Variants in ST7 observed in about 807,000 individuals in gnomAD.
The protein encoded by ST7 is suppressor of tumorigenicity 7 protein.
Under a neutral mutation model 78.7 loss-of-function variants are expected in ST7, and 28 were observed. The observed-to-expected ratio is 0.36, with a 90% confidence interval of 0.26 to 0.49. The LOEUF is 0.49. Ranked by LOEUF, ST7 falls within the 20% of genes least tolerant of loss-of-function variation. The probability of loss-of-function intolerance (pLI) is 0.99; values close to 1 mark genes in which losing one functional copy is unlikely to be tolerated. For missense variants in ST7, 418 were observed against 696.0 expected (o/e 0.60, Z 4.49); for synonymous variants, 247 against 249.6 (o/e 0.99, Z 0.10).
At chr7:117,102,808 C>A (rs1801664289) in intron 2 of ST7, among the ~76,000 whole-genome samples, 1 of 151,896 alleles carries the variant, frequency 6.6e-6, no homozygotes, top group Non-Finnish European at 1.5e-5. Context: ...TGTTTGCAGA[C>A]AACATGATCT....
chr7:116,974,907 T>C (rs9986957), intron 1 of ST7, among the ~76,000 whole-genome samples: 149,774 of 152,330 alleles, frequency 0.98, 73,689 homozygotes, highest in East Asian at 1. Flanking sequence ...GCAGGTTCAG[T>C]ACTTTCACTA....
intron 1 of ST7, among the ~76,000 whole-genome samples, chr7:117,011,060 C>T (rs1021542381): frequency 3.9e-5 from 6 of 152,172 alleles, no homozygotes; most frequent in Non-Finnish European, 7.3e-5. Flanking sequence ...GCCACATTGT[C>T]CTAAGAGGTG....
chr7:117,205,741 C>T (rs1791692218), intron 12 of ST7, among the ~76,000 whole-genome samples: 1 of 152,150 alleles, frequency 6.6e-6, no homozygotes, highest in African/African-American at 2.4e-5. Context: ...GATGCTCCTG[C>T]AGTGGAGGCT....
chr7:117,229,875 A>T lies in ST7; in HGVS notation c.*18A>T. On this transcript the variant is annotated 3_prime_UTR_variant, in exon 16 of 16. Transcript: ENST00000323984. ...GGATCTGAGAGAAGCCCTGTCCTCC[A>T]CTCACCTCACCCGCCGCTGCCACCA... The T allele has an allele frequency of 6.2e-7, 1 of 1,602,310 alleles. No homozygotes were observed. The highest frequency in any genetic ancestry group is 8.5e-7 in the Non-Finnish European group (1 of 1,169,654).
chr7:117,106,728 C>T (rs1191344920), intron 2 of ST7, among the ~76,000 whole-genome samples: 3 of 147,344 alleles, frequency 2.0e-5, no homozygotes, highest in Non-Finnish European at 4.5e-5. Context: ...TCACACCATT[C>T]TCCTGCCTTA....
intron 2 of ST7, chr7:117,112,205 T>G (rs1802488052): frequency 6.6e-6 from 1 of 152,102 alleles, no homozygotes; most frequent in Non-Finnish European, 1.5e-5. Flanking sequence ...ATCAGAATGG[T>G]AAATAAAATA....
intron 10 of ST7, among the ~76,000 whole-genome samples, chr7:117,182,471 A>G (rs1161688111): frequency 1.3e-5 from 2 of 152,240 alleles, no homozygotes; most frequent in Non-Finnish European, 2.9e-5. Context: ...ATTTAATTTT[A>G]AGATTTGAAA....
intron 1 of ST7, among the ~76,000 whole-genome samples, chr7:117,061,735 C>T (rs1798365290): frequency 6.6e-6 from 1 of 151,950 alleles, no homozygotes; most frequent in Non-Finnish European, 1.5e-5. Context: ...GGGACACTGA[C>T]ATTAAAAGGA....
At chr7:117,211,244 T>C (rs932213778) in intron 13 of ST7, among the ~76,000 whole-genome samples, 1 of 152,234 alleles carries the variant, frequency 6.6e-6, no homozygotes, top group Non-Finnish European at 1.5e-5. Context: ...ATTTTATCAG[T>C]GCCTCCGCCC....
chr7:117,143,731 G>A (rs888965861), intron 9 of ST7, among the ~76,000 whole-genome samples: 1 of 152,142 alleles, frequency 6.6e-6, no homozygotes, highest in African/African-American at 2.4e-5. Context: ...ACCTCACAGG[G>A]TAGATGTCAG....
At chr7:117,116,840 A>G (rs1299038816) in intron 2 of ST7, among the ~76,000 whole-genome samples, 1 of 152,234 alleles carries the variant, frequency 6.6e-6, no homozygotes, top group Non-Finnish European at 1.5e-5. Context: ...CACCTATTAC[A>G]AAGCAAATGT....
At chr7:117,065,562 T>A (rs1798591818) in intron 1 of ST7, among the ~76,000 whole-genome samples, 1 of 152,166 alleles carries the variant, frequency 6.6e-6, no homozygotes, top group Non-Finnish European at 1.5e-5. Context: ...TTGTATTCTA[T>A]CCAGTGCAGG....
chr7:117,100,789 C>G (rs937092956), intron 2 of ST7, among the ~76,000 whole-genome samples: 1 of 152,088 alleles, frequency 6.6e-6, no homozygotes, highest in Non-Finnish European at 1.5e-5. Context: ...TGGGGACCAT[C>G]TAAACTCAGT....
chr7:117,097,908 A>ATATATATATATATTTT lies in ST7; in HGVS notation c.152-1853_152-1852insATATATATATATTTTT. On this transcript the variant is annotated intron_variant, in intron 1 of 15. Coordinates refer to ENST00000323984, the MANE Select transcript of ST7 (RefSeq NM_001369598.1). Reference sequence around the variant, plus strand: ...TATATATATATATATATATATATATATTTTTTTTTTTTTTTTTTTTGATGG... The same window carrying ATATATATATATATTTT: ...TATATATATATATATATATATATATATATATATATATATTTTTTTTTTTTTTTTTTTTTTTTGATGG... Among the ~76,000 whole-genome samples, 23 of 30,010 alleles carry ATATATATATATATTTT rather than the reference A, an allele frequency of 7.7e-4. 1 individual carries two copies. The highest frequency in any genetic ancestry group is 1.9e-3 in the South Asian group (1 of 534). The allele number at this position is 30,010 out of a possible 152,430, so 19.7% of individuals were successfully genotyped here.
At chr7:117,066,883 A>G (rs917923293) in intron 1 of ST7, among the ~76,000 whole-genome samples, 2 of 151,942 alleles carry the variant, frequency 1.3e-5, no homozygotes, top group African/African-American at 2.4e-5. Context: ...AAGAGACTCT[A>G]TACCCATTAG....
At chr7:117,144,447 A>G (rs1265085079) in intron 9 of ST7, among the ~76,000 whole-genome samples, 1 of 150,574 alleles carries the variant, frequency 6.6e-6, no homozygotes, top group Non-Finnish European at 1.5e-5. Flanking sequence ...GGGCAGCATG[A>G]TGAAACCCCA....
At chr7:117,150,380 T>C (rs1355809042) in intron 9 of ST7, among the ~76,000 whole-genome samples, 4 of 152,238 alleles carry the variant, frequency 2.6e-5, no homozygotes, top group African/African-American at 7.2e-5. Context: ...AAATTCTTCA[T>C]AGTGTTCCAT....
chr7:117,138,389 ATTT>A (rs753380207), intron 8 of ST7, 43 bp from the exon 9 acceptor site: 108 of 1,116,382 alleles, frequency 9.7e-5, no homozygotes, highest in Admixed American at 3.4e-4. Flanking sequence ...GGGCCTCTGT[ATTT>A]TTTTTTTTTT....
At chr7:117,194,812 G>A (rs1288108285) in intron 12 of ST7, among the ~76,000 whole-genome samples, 1 of 152,146 alleles carries the variant, frequency 6.6e-6, no homozygotes, top group Non-Finnish European at 1.5e-5. Context: ...ATTTACACTG[G>A]GGTGGGCATG....
Sources: gnomAD v4.1 joint callset for allele counts (sites outside exome capture counted in the v4.1 genomes callset) on GRCh38, gnomAD v4.1.1 for gene constraint, MANE v1.5 for transcripts, NCBI Gene and HGNC (gene_info 2026-07-23, HGNC 2026-07-21) for gene names.